EPB41L5: variants seen among roughly 807,000 people sequenced by gnomAD.
The protein encoded by EPB41L5 is erythrocyte membrane protein band 4.1 like 5.
EPB41L5 carries 55 observed loss-of-function variants against 106.6 expected under a neutral mutation model. The observed-to-expected ratio is 0.52, with a 90% CI of 0.42 to 0.65. The LOEUF (loss-of-function observed/expected upper bound fraction) is 0.65. EPB41L5 is among the 30% of genes least tolerant of loss of function. The probability of loss-of-function intolerance (pLI) is 0.00; values close to 1 mark genes in which losing one functional copy is unlikely to be tolerated. For synonymous variants in EPB41L5, 297 were observed against 306.7 expected (o/e 0.97, Z 0.33); for missense variants, 871 against 882.1 (o/e 0.99, Z 0.16).
At chr2:120,061,367 C>T (rs1376562057) in intron 3 of EPB41L5, among the ~76,000 whole-genome samples, 1 of 149,946 alleles carries the variant, frequency 6.7e-6, no homozygotes, top group Non-Finnish European at 1.5e-5. Flanking sequence ...GGACTACAGG[C>T]GCCCGCCACT....
At chr2:120,014,178 T>C (rs1677349200) in intron 1 of EPB41L5, among the ~76,000 whole-genome samples, 1 of 152,248 alleles carries the variant, frequency 6.6e-6, no homozygotes. Context: ...ACCAACCATA[T>C]TGTGGCCACC....
rs145040462 is a variant in EPB41L5 at position 120,111,721 on chromosome 2, C to T, written c.1337+10907C>T. Among the ~76,000 whole-genome samples the T allele has an allele frequency of 5.9e-5, 9 of 152,212 alleles. No individual in the cohort carries two copies. The East Asian group carries it at 1.5e-3, about 26-fold the overall frequency. On this transcript the variant is annotated intron_variant, in intron 16 of 24. Transcript: ENST00000263713. ...CCTGGCCTCCTTGCCATTGCCCTTG[C>T]TCCTCTACTGTCTGGTACTCCTTTC...
At chr2:120,055,210 T>G (rs1680566010) in intron 3 of EPB41L5, among the ~76,000 whole-genome samples, 1 of 152,168 alleles carries the variant, frequency 6.6e-6, no homozygotes, top group African/African-American at 2.4e-5. Context: ...CCACAGTGTC[T>G]TGATTATGGT....
intron 10 of EPB41L5, among the ~76,000 whole-genome samples, chr2:120,086,590 C>T (rs558409187): frequency 3.3e-5 from 5 of 152,032 alleles, no homozygotes; most frequent in African/African-American, 1.2e-4. Flanking sequence ...AGCGAGATGC[C>T]GTCTCTACAA....
chr2:120,015,014 TA>T (rs1264036734), intron 1 of EPB41L5, among the ~76,000 whole-genome samples: 1 of 150,744 alleles, frequency 6.6e-6, no homozygotes, highest in Non-Finnish European at 1.5e-5. Context: ...CCATTCATAT[TA>T]TTTTTTTTTT....
chr2:120,058,719 A>C (rs993663841), intron 3 of EPB41L5, among the ~76,000 whole-genome samples: 2 of 152,180 alleles, frequency 1.3e-5, no homozygotes, highest in African/African-American at 4.8e-5. Flanking sequence ...ATTTCAAGAA[A>C]AGCTGAAATC....
intron 3 of EPB41L5, among the ~76,000 whole-genome samples, chr2:120,043,053 A>AG (rs948529041): frequency 2.1e-5 from 3 of 140,462 alleles, no homozygotes; most frequent in Non-Finnish European, 4.5e-5. Flanking sequence ...GTGTGTTTAG[A>AG]GGGGAACTCC....
intron 3 of EPB41L5, among the ~76,000 whole-genome samples, chr2:120,067,359 A>T (rs1032996825): frequency 6.6e-6 from 1 of 152,200 alleles, no homozygotes; most frequent in African/African-American, 2.4e-5. Context: ...CACTCTGCCT[A>T]TCTGCGTTTC....
intron 16 of EPB41L5, chr2:120,105,816 T>G (rs1684421488): frequency 1.0e-6 from 1 of 985,280 alleles, no homozygotes; most frequent in South Asian, 4.7e-5. Context: ...ATGGCTGATT[T>G]TTTTTCTTAA....
intron 14 of EPB41L5, among the ~76,000 whole-genome samples, chr2:120,098,943 T>C (rs1683950689): frequency 6.6e-6 from 1 of 152,236 alleles, no homozygotes; most frequent in African/African-American, 2.4e-5. Flanking sequence ...GGTTATAAAA[T>C]AATATTCTTG....
chr2:120,146,405 T>G (rs1365036664), intron 20 of EPB41L5, 116 bp downstream of exon 20: 1 of 716,068 alleles, frequency 1.4e-6, no homozygotes, highest in Non-Finnish European at 2.4e-6. Flanking sequence ...TAGCTTGAAT[T>G]CACTCTATTG....
intron 2 of EPB41L5, among the ~76,000 whole-genome samples, chr2:120,022,879 G>C (rs1678032991): frequency 6.6e-6 from 1 of 152,124 alleles, no homozygotes; most frequent in African/African-American, 2.4e-5. Context: ...CATTCTAACT[G>C]GCATGAGATG....
chr2:120,035,314 TCTC>T (rs1357364085), intron 2 of EPB41L5, among the ~76,000 whole-genome samples: 1 of 152,126 alleles, frequency 6.6e-6, no homozygotes, highest in Non-Finnish European at 1.5e-5. Flanking sequence ...TCCAGGCCAG[TCTC>T]GGAACGCCTG....
chr2:120,132,035 G>A (rs1685717579), intron 18 of EPB41L5, among the ~76,000 whole-genome samples: 1 of 152,020 alleles, frequency 6.6e-6, no homozygotes. Flanking sequence ...AATTACAGAA[G>A]GATTTGTTTT....
chr2:120,041,105 G>A (rs1291444966), intron 2 of EPB41L5, among the ~76,000 whole-genome samples: 1 of 151,968 alleles, frequency 6.6e-6, no homozygotes, highest in Non-Finnish European at 1.5e-5. Flanking sequence ...TATTAATATA[G>A]CAACAACATA....
intron 3 of EPB41L5, among the ~76,000 whole-genome samples, chr2:120,062,614 GTTGTT>G (rs974805473): frequency 2.6e-5 from 4 of 152,122 alleles, no homozygotes; most frequent in African/African-American, 4.8e-5. Context: ...TCTAGATAGT[GTTGTT>G]TTGTTTCAGT....
chr2:120,107,633 G>T (rs917003128), intron 16 of EPB41L5, among the ~76,000 whole-genome samples: 22 of 152,232 alleles, frequency 1.4e-4, no homozygotes, highest in African/African-American at 5.3e-4. Flanking sequence ...AATGTGATTT[G>T]TCAGATCCTT....
chr2:120,029,912 C>G (rs1678588794), intron 2 of EPB41L5, among the ~76,000 whole-genome samples: 1 of 152,200 alleles, frequency 6.6e-6, no homozygotes, highest in African/African-American at 2.4e-5. Context: ...TGCCCGTCAG[C>G]AGGAAGAAGC....
chr2:120,113,059 A>G (rs1684792554), intron 16 of EPB41L5, among the ~76,000 whole-genome samples: 1 of 152,214 alleles, frequency 6.6e-6, no homozygotes, highest in African/African-American at 2.4e-5. Flanking sequence ...ATGAATTCCA[A>G]TTGGTGGAAG....
Sources: gnomAD v4.1 joint callset for allele counts (sites outside exome capture counted in the v4.1 genomes callset) on GRCh38, gnomAD v4.1.1 for gene constraint, MANE v1.5 for transcripts, NCBI Gene and HGNC (gene_info 2026-07-23, HGNC 2026-07-21) for gene names.